The following RASSF8 variants were observed in gnomAD, a reference collection of about 807,000 sequenced individuals.
RASSF8 encodes the protein ras association domain-containing protein 8.
RASSF8 carries 22 observed loss-of-function variants against 48.5 expected under a neutral mutation model. The ratio of observed to expected loss-of-function variants is 0.45; its 90% confidence interval spans 0.32 to 0.65. The LOEUF is 0.65. Ranked by LOEUF, RASSF8 falls within the 30% of genes least tolerant of loss-of-function variation. The pLI is 0.03. For missense variants in RASSF8, 418 were observed against 489.2 expected, an observed-to-expected ratio of 0.85 and a Z score of 1.37; for synonymous variants, 127 against 171.5, an observed-to-expected ratio of 0.74 and a Z score of 2.03.
chr12:26,037,452 G>T lies in RASSF8; in HGVS notation c.-108-17784G>T, dbSNP rs745984921. Reference sequence around the variant, plus strand: ...TTTTGTATTTTGTATACTTTTTAGGGCATATTTAGAAAGGGGGTAGAGTTT... The same window carrying T: ...TTTTGTATTTTGTATACTTTTTAGGTCATATTTAGAAAGGGGGTAGAGTTT... On this transcript the variant is annotated intron_variant, in intron 2 of 5. Transcript: ENST00000689635. 6.6e-4 allele frequency among the ~76,000 whole-genome samples: 101 copies of T among 152,038 alleles called. 1 individual carries two copies. The highest frequency in any genetic ancestry group is 3.7e-4 in the Non-Finnish European group (25 of 68,008).
intron 2 of RASSF8, among the ~76,000 whole-genome samples, chr12:26,005,300 G>A (rs1942364169): frequency 6.6e-6 from 1 of 152,054 alleles, no homozygotes; most frequent in Non-Finnish European, 1.5e-5. Context: ...GTGAGAGTTT[G>A]GTGACCATTT....
chr12:26,017,713 A>G (rs1233112929), intron 2 of RASSF8, among the ~76,000 whole-genome samples: 1 of 152,268 alleles, frequency 6.6e-6, no homozygotes, highest in Non-Finnish European at 1.5e-5. Context: ...CATTTGCTGC[A>G]GGACCTGCAG....
intron 1 of RASSF8, among the ~76,000 whole-genome samples, chr12:25,988,338 C>T (rs903782110): frequency 2.6e-5 from 4 of 152,080 alleles, no homozygotes; most frequent in Admixed American, 2.0e-4. Context: ...TAAAAGCAAT[C>T]TTGGAACTTT....
chr12:26,044,062 A>G (rs1943321670), intron 2 of RASSF8, among the ~76,000 whole-genome samples: 2 of 152,212 alleles, frequency 1.3e-5, no homozygotes, highest in Admixed American at 6.5e-5. Flanking sequence ...AAACCTAGTT[A>G]TCTCAACTGC....
At chr12:25,991,659 C>T (rs1432897693) in intron 1 of RASSF8, among the ~76,000 whole-genome samples, 1 of 152,144 alleles carries the variant, frequency 6.6e-6, no homozygotes, top group Non-Finnish European at 1.5e-5. Flanking sequence ...CCATGTGGAC[C>T]TCTCCATAGG....
At position 26,006,734 on chromosome 12, in the gene RASSF8, T is replaced by C. The variant is rs372822617; in HGVS notation, c.-109+11604T>C. The stretch of plus-strand genomic sequence containing the variant: ...AGATACACGCTTCGTTTCTGACTCA[T>C]GGTGCGTGCTCAGAGAACAAGGGCC... On this transcript the variant is annotated intron_variant, in intron 2 of 5. Coordinates refer to ENST00000689635, the MANE Select transcript of RASSF8 (RefSeq NM_001394098.1). Among the ~76,000 whole-genome samples, 47 of 152,292 alleles carry C rather than the reference T, an allele frequency of 3.1e-4. No homozygotes were observed. The South Asian group carries it at 9.3e-3, about 30-fold the overall frequency.
Position 26,070,938 on chromosome 12 carries a change from C to T in RASSF8, c.*2120C>T. 1.0e-6 allele frequency: 1 copy of T among 983,548 alleles called. No homozygotes were observed. The highest frequency in any genetic ancestry group is 1.2e-6 in the Non-Finnish European group (1 of 828,238). The allele number at this position is 983,548 out of a possible 1,614,324, so 60.9% of individuals were successfully genotyped here. On this transcript the variant is annotated 3_prime_UTR_variant, in exon 6 of 6. Transcript: ENST00000689635. ...AATAACTTTAAGTAAGGACAAGCAG[C>T]ATCCTAGCAACTTGTAGTAGTCTTG...
intron 2 of RASSF8, among the ~76,000 whole-genome samples, chr12:26,041,756 G>A (rs1341681593): frequency 6.6e-6 from 1 of 151,982 alleles, no homozygotes; most frequent in Non-Finnish European, 1.5e-5. Context: ...AATATGACAC[G>A]AATTTGTATA....
intron 2 of RASSF8, among the ~76,000 whole-genome samples, chr12:26,030,490 C>T (rs531552056): frequency 3.9e-5 from 6 of 152,034 alleles, no homozygotes; most frequent in African/African-American, 1.2e-4. Flanking sequence ...CCTTTTATTC[C>T]GGTATTGGGT....
chr12:25,972,267 A>G (rs538621440), intron 1 of RASSF8, among the ~76,000 whole-genome samples: 1 of 152,356 alleles, frequency 6.6e-6, no homozygotes, highest in South Asian at 2.1e-4. Flanking sequence ...CAGGAGACTG[A>G]CATAAGGTTA....
Position 26,066,651 on chromosome 12 carries a change from C to T in RASSF8, c.994-918C>T, listed in dbSNP as rs112914756. Among the ~76,000 whole-genome samples the T allele has an allele frequency of 6.0e-3, 918 of 152,254 alleles. 5 individuals carry two copies. Among genetic ancestry groups the T allele is most frequent in the South Asian group, 0.022 (104 of 4,822 alleles). On this transcript the variant is annotated intron_variant, in intron 4 of 5. Coordinates refer to ENST00000689635, the MANE Select transcript of RASSF8 (RefSeq NM_001394098.1). ...ACTAACTTATCACAGTCATTACTAG[C>T]AAATCCCTCTACCCACTGAAAAGTG... is the stretch of plus-strand genomic sequence containing the variant.
Position 26,069,723 on chromosome 12 carries a change from A to G in RASSF8, c.*905A>G. 1.0e-6 allele frequency: 1 copy of G among 985,404 alleles called. No individual in the cohort carries two copies. The highest frequency in any genetic ancestry group is 1.2e-6 in the Non-Finnish European group (1 of 829,896). 61.0% of individuals were successfully genotyped at this position (985,404 alleles called of 1,614,324 possible). A position where few individuals can be genotyped will look rare whatever the true frequency, so the allele number is the denominator to read the frequency against. On this transcript the variant is annotated 3_prime_UTR_variant, in exon 6 of 6. Coordinates refer to ENST00000689635, the MANE Select transcript of RASSF8 (RefSeq NM_001394098.1). Reference sequence around the variant, plus strand: ...AAAGCTGGGTTGGTCTACTTCAGGAACATTGCTTTAAGTGATGTATTTTAA... The same window carrying G: ...AAAGCTGGGTTGGTCTACTTCAGGAGCATTGCTTTAAGTGATGTATTTTAA...
chr12:25,982,048 G>A (rs181485759), intron 1 of RASSF8, among the ~76,000 whole-genome samples: 1 of 152,240 alleles, frequency 6.6e-6, no homozygotes, highest in East Asian at 1.9e-4. Flanking sequence ...GTATGAAATC[G>A]AAGATACGGG....
chr12:26,002,090 T>A (rs1942272497), intron 2 of RASSF8, among the ~76,000 whole-genome samples: 1 of 152,236 alleles, frequency 6.6e-6, no homozygotes, highest in Non-Finnish European at 1.5e-5. Context: ...ACTAAAACAT[T>A]GTTATGTAGA....
At chr12:26,028,316 G>A (rs1356766787) in intron 2 of RASSF8, among the ~76,000 whole-genome samples, 5 of 152,150 alleles carry the variant, frequency 3.3e-5, no homozygotes, top group Admixed American at 3.3e-4. Context: ...AAGTTGTTAG[G>A]TATCAAAAGA....
At chr12:26,031,229 G>A (rs1471472997) in intron 2 of RASSF8, among the ~76,000 whole-genome samples, 1 of 152,098 alleles carries the variant, frequency 6.6e-6, no homozygotes, top group Non-Finnish European at 1.5e-5. Context: ...TACTCTGCCA[G>A]TACATTGGGT....
At chr12:25,958,502 AGCGGGCCAGGC>A (rs1162933583), upstream of RASSF8, 10 of 150,344 alleles carry the variant, frequency 6.7e-5, no homozygotes, top group Non-Finnish European at 1.5e-4. Context: ...GGCGCCGGCG[AGCGGGCCAGGC>A]GCGGGCGGGG....
chr12:25,966,384 T>C (rs1941360885), intron 1 of RASSF8, among the ~76,000 whole-genome samples: 1 of 152,156 alleles, frequency 6.6e-6, no homozygotes, highest in Non-Finnish European at 1.5e-5. Flanking sequence ...TTAAAATATT[T>C]TATTTTGTAG....
exon 6 of RASSF8, chr12:26,079,166 C>A: frequency 2.3e-6 from 2 of 869,866 alleles, no homozygotes; most frequent in Non-Finnish European, 3.4e-6. Flanking sequence ...GAAACGATCA[C>A]CAAAATGAAA....
Sources: allele counts gnomAD v4.1 joint callset (sites outside exome capture counted in the v4.1 genomes callset), GRCh38; gene constraint gnomAD v4.1.1; transcripts MANE v1.5; gene names NCBI Gene and HGNC (gene_info 2026-07-23, HGNC 2026-07-21).